SOX6: variants seen among roughly 807,000 people sequenced by gnomAD.
The protein encoded by SOX6 is transcription factor SOX-6.
SOX6 carries 11 observed loss-of-function variants against 97.8 expected under a neutral mutation model. The ratio of observed to expected loss-of-function variants is 0.11; its 90% CI spans 0.07 to 0.19. The LOEUF (loss-of-function observed/expected upper bound fraction) is 0.19. SOX6 is among the 10% of genes least tolerant of loss of function. SOX6 has a pLI of 1.00. For synonymous variants in SOX6, 360 were observed against 371.4 expected, an observed-to-expected ratio of 0.97 and a Z score of 0.35; for missense variants, 810 against 1,039.5, an observed-to-expected ratio of 0.78 and a Z score of 3.04.
At chr11:16,001,614 T>C (rs1400849463) in intron 13 of SOX6, among the ~76,000 whole-genome samples, 1 of 152,160 alleles carries the variant, frequency 6.6e-6, no homozygotes, top group African/African-American at 2.4e-5. Flanking sequence ...TTTCCCACTT[T>C]AAGGATGCCA....
At chr11:16,359,707 G>A (rs1447042089), upstream of SOX6, among the ~76,000 whole-genome samples, 3 of 152,110 alleles carry the variant, frequency 2.0e-5, no homozygotes, top group African/African-American at 4.8e-5. Flanking sequence ...TAGATGAAGC[G>A]AGTAGGGAAC....
chr11:16,142,505 T>A (rs1850171859), intron 6 of SOX6, among the ~76,000 whole-genome samples: 3 of 152,176 alleles, frequency 2.0e-5, no homozygotes, highest in African/African-American at 7.2e-5. Flanking sequence ...GGACAGAGAA[T>A]GACTTTGACG....
intron 9 of SOX6, among the ~76,000 whole-genome samples, chr11:16,079,722 A>T (rs1848432433): frequency 6.6e-6 from 1 of 152,140 alleles, no homozygotes; most frequent in South Asian, 2.1e-4. Context: ...AAATTAAAAA[A>T]AATGTTTTAC....
intron 2 of SOX6, among the ~76,000 whole-genome samples, chr11:16,733,723 T>TAAA (rs34111311): frequency 1.2e-3 from 143 of 116,650 alleles, no homozygotes; most frequent in Middle Eastern, 9.7e-3. Flanking sequence ...ACTTAAAGTA[T>TAAA]AAAAAAAAAA....
chr11:16,596,926 T>C (rs1252204097), intron 4 of SOX6, among the ~76,000 whole-genome samples: 2 of 152,282 alleles, frequency 1.3e-5, no homozygotes, highest in East Asian at 3.9e-4. Context: ...ATAATTTGGC[T>C]CTGGAAGTAA....
intron 6 of SOX6, among the ~76,000 whole-genome samples, chr11:16,162,812 A>C (rs1297137275): frequency 1.3e-5 from 2 of 152,172 alleles, no homozygotes; most frequent in Non-Finnish European, 2.9e-5. Context: ...GTGTAAAATG[A>C]GTGGTTTGAA....
At chr11:16,710,766 C>T (rs1848173291) in intron 3 of SOX6, among the ~76,000 whole-genome samples, 1 of 152,170 alleles carries the variant, frequency 6.6e-6, no homozygotes, top group Non-Finnish European at 1.5e-5. Context: ...TATATCTATA[C>T]TTAGCCACGA....
chr11:16,436,484 A>G (rs1189299380), intron 1 of SOX6, among the ~76,000 whole-genome samples: 1 of 151,904 alleles, frequency 6.6e-6, no homozygotes, highest in Non-Finnish European at 1.5e-5. Context: ...CCAAATCTCT[A>G]TCTCTAGCCC....
At chr11:16,363,308 TAATCTGAAAATGCTCCAG>T (rs1021760388) in intron 1 of SOX6, among the ~76,000 whole-genome samples, 1 of 152,190 alleles carries the variant, frequency 6.6e-6, no homozygotes, top group Non-Finnish European at 1.5e-5. Context: ...GAGCATTCCC[TAATCTGAAAATGCTCCAG>T]AATCTGAAAA....
intron 4 of SOX6, among the ~76,000 whole-genome samples, chr11:16,608,525 G>A (rs531193393): frequency 4.3e-3 from 653 of 151,544 alleles, no homozygotes; most frequent in Non-Finnish European, 6.5e-3. Context: ...CAGAGATGAT[G>A]AAAACACACC....
chr11:16,182,967 G>T (rs1257051659), intron 6 of SOX6, among the ~76,000 whole-genome samples: 1 of 151,676 alleles, frequency 6.6e-6, no homozygotes, highest in East Asian at 1.9e-4. Flanking sequence ...ACATAATTCA[G>T]AATACACTGG....
At chr11:16,718,917 A>G (rs1848238313) in intron 2 of SOX6, among the ~76,000 whole-genome samples, 1 of 151,110 alleles carries the variant, frequency 6.6e-6, no homozygotes, top group African/African-American at 2.4e-5. Context: ...GGATTGCTTG[A>G]GCACAGGAGT....
chr11:16,482,752 T>C (rs1860364494), intron 4 of SOX6, among the ~76,000 whole-genome samples: 1 of 148,628 alleles, frequency 6.7e-6, no homozygotes, highest in Non-Finnish European at 1.5e-5. Context: ...CTTGAGTATG[T>C]AGTGTAAGTG....
At chr11:16,477,590 C>G (rs147142686), upstream of SOX6, among the ~76,000 whole-genome samples, 59 of 152,254 alleles carry the variant, frequency 3.9e-4, no homozygotes, top group African/African-American at 1.2e-3. Context: ...GTGGCTCACG[C>G]CTGTAATCCC....
In SOX6 at chr11:16,300,808, G is replaced by A. The variant is rs1450071649; in HGVS notation, c.445+17638C>T. ...TAAGAAGAATACAGAGTTTTCTTTG[G>A]CCATTAAATGTTAAAGCCTGTGGGT... On this transcript the variant is annotated intron_variant, in intron 3 of 15. Transcript: ENST00000683767. This position sits in a 1 kb window ranked among gnomAD's most constrained non-coding sequence, Gnocchi z 4.1. 6.6e-6 allele frequency among the ~76,000 whole-genome samples: 1 copy of A among 152,102 alleles called. No homozygotes were observed. The highest frequency in any genetic ancestry group is 1.5e-5 in the Non-Finnish European group (1 of 68,004).
At chr11:16,408,424 C>T (rs904099575) in intron 1 of SOX6, among the ~76,000 whole-genome samples, 1 of 152,132 alleles carries the variant, frequency 6.6e-6, no homozygotes, top group Non-Finnish European at 1.5e-5. Flanking sequence ...TCACCTGATT[C>T]TATCATTTCA....
intron 2 of SOX6, among the ~76,000 whole-genome samples, chr11:16,340,348 A>G (rs1590138956): frequency 6.6e-6 from 1 of 152,072 alleles, no homozygotes; most frequent in African/African-American, 2.4e-5. Flanking sequence ...TGAACTAGAT[A>G]ATTAATGTCA....
intron 12 of SOX6, among the ~76,000 whole-genome samples, chr11:16,020,358 G>A (rs1590134946): frequency 6.6e-6 from 1 of 151,980 alleles, no homozygotes; most frequent in African/African-American, 2.4e-5. Context: ...CTGATCCTTG[G>A]CACTGTCCTC....
intron 4 of SOX6, among the ~76,000 whole-genome samples, chr11:16,229,568 A>T (rs1237456373): frequency 6.6e-6 from 1 of 152,000 alleles, no homozygotes; most frequent in African/African-American, 2.4e-5. Flanking sequence ...GAAAACAAAT[A>T]TGCAAAATTA....
Sources: gnomAD v4.1 joint callset for allele counts (sites outside exome capture counted in the v4.1 genomes callset) on GRCh38, gnomAD v4.1.1 for gene constraint, Gnocchi (gnomAD v3.1) non-coding constraint, MANE v1.5 for transcripts, NCBI Gene and HGNC (gene_info 2026-07-23, HGNC 2026-07-21) for gene names.